LRP8: variants seen among roughly 807,000 people sequenced by gnomAD.
LRP8 encodes the protein low-density lipoprotein receptor-related protein 8.
LRP8 carries 46 observed loss-of-function variants against 111.6 expected under a neutral mutation model. That is an observed-to-expected ratio of 0.41 (90% CI 0.33 to 0.53). The LOEUF (loss-of-function observed/expected upper bound fraction) is 0.53. LRP8 is among the 20% of genes least tolerant of loss of function. The probability of loss-of-function intolerance (pLI) is 0.20; values close to 1 mark genes in which losing one functional copy is unlikely to be tolerated. For missense variants in LRP8, 959 were observed against 1,297.4 expected (o/e 0.74, Z 4.01); for synonymous variants, 464 against 511.2 (o/e 0.91, Z 1.24).
rs1163471194 is a variant in LRP8, at chr1:53,327,966, C to T, written c.-54G>A. The T allele has an allele frequency of 2.5e-5, 26 of 1,032,286 alleles. No individual in the cohort carries two copies. In the East Asian group the frequency reaches 1.7e-3, roughly 68 times the overall value. The allele number at this position is 1,032,286 out of a possible 1,614,324, so 63.9% of individuals were successfully genotyped here. Reference sequence around the variant, plus strand: ...CCCGCGCTCCCCGCGCCGCCGCCGCCGCGTCTCAGCCCTCCGAGTCCTTGC... The same window carrying T: ...CCCGCGCTCCCCGCGCCGCCGCCGCTGCGTCTCAGCCCTCCGAGTCCTTGC... On this transcript the variant is annotated 5_prime_UTR_variant, in exon 1 of 19. Coordinates refer to ENST00000306052, the MANE Select transcript of LRP8 (RefSeq NM_004631.5).
At chr1:53,324,684 A>C (rs1361946772) in intron 2 of LRP8, among the ~76,000 whole-genome samples, 1 of 152,092 alleles carries the variant, frequency 6.6e-6, no homozygotes, top group African/African-American at 2.4e-5. Context: ...TGGCCATTGG[A>C]GCTCTCTTGG....
intron 12 of LRP8, 112 bp downstream of exon 12, chr1:53,261,956 T>C: frequency 7.7e-7 from 1 of 1,302,024 alleles, no homozygotes; most frequent in Non-Finnish European, 1.1e-6. Flanking sequence ...ATCAGTTGGT[T>C]TCCCTGTTCC....
chr1:53,281,069 TCTC>T (rs998156730), intron 3 of LRP8, among the ~76,000 whole-genome samples: 1 of 152,170 alleles, frequency 6.6e-6, no homozygotes, highest in Non-Finnish European at 1.5e-5. Flanking sequence ...CCTGCACTCT[TCTC>T]TGCCATTTCC....
intron 1 of LRP8, 103 bp downstream of exon 1, chr1:53,327,686 C>T: frequency 1.5e-6 from 2 of 1,302,478 alleles, no homozygotes; most frequent in Non-Finnish European, 2.0e-6. Context: ...CGGGAGCCCC[C>T]GATAGCCCCG....
At chr1:53,288,655 C>T (rs1648040560) in intron 3 of LRP8, among the ~76,000 whole-genome samples, 1 of 152,102 alleles carries the variant, frequency 6.6e-6, no homozygotes, top group Non-Finnish European at 1.5e-5. Context: ...CCATTGTCCC[C>T]ACCTCTGCCT....
In LRP8 at chr1:53,327,835, GAGCTGC is replaced by G. The variant is rs1316757218; in HGVS notation, c.72_77del (p.Leu26_Gln27del). On this transcript the variant is annotated inframe_deletion, in exon 1 of 19. Transcript: ENST00000306052. ...CAGCCGCTGCCGCCGCAAGATGCTG[GAGCTGC>G]AGCAGCAGCAGCAGCAGCAGCAGCA... 1.3e-6 allele frequency: 2 copies of G among 1,511,498 alleles called. No individual in the cohort carries two copies. Among genetic ancestry groups the G allele is most frequent in the Non-Finnish European group, 1.8e-6 (2 of 1,136,086 alleles). The allele number at this position is 1,511,498 out of a possible 1,614,324, so 93.6% of individuals were successfully genotyped here.
intron 2 of LRP8, among the ~76,000 whole-genome samples, chr1:53,314,109 A>C (rs1557862818): frequency 6.6e-6 from 1 of 152,188 alleles, no homozygotes; most frequent in Admixed American, 6.5e-5. Flanking sequence ...AGGCCCAGGC[A>C]ATGCCTGCAC....
chr1:53,311,569 A>G (rs1342779822), intron 2 of LRP8, among the ~76,000 whole-genome samples: 6 of 151,826 alleles, frequency 4.0e-5, no homozygotes, highest in African/African-American at 9.7e-5. Flanking sequence ...CAGAGGAAGG[A>G]GCGATACTGC....
At chr1:53,256,291 A>G (rs772565281) in intron 15 of LRP8, among the ~76,000 whole-genome samples, 1 of 152,260 alleles carries the variant, frequency 6.6e-6, no homozygotes, top group African/African-American at 2.4e-5. Context: ...AAAAAGCTGC[A>G]CTGCTTGCTT....
At chr1:53,302,380 G>A (rs572275730) in intron 2 of LRP8, among the ~76,000 whole-genome samples, 24 of 152,166 alleles carry the variant, frequency 1.6e-4, no homozygotes, top group South Asian at 4.2e-4. Context: ...TCCCAGCCTC[G>A]GGCTCACGTT....
At chr1:53,302,856 A>ATTTT (rs769628078) in intron 2 of LRP8, among the ~76,000 whole-genome samples, 46 of 126,590 alleles carry the variant, frequency 3.6e-4, no homozygotes, top group Non-Finnish European at 4.9e-4. Flanking sequence ...CACCCAGCTA[A>ATTTT]TTTTTTTTTT....
In LRP8 at chr1:53,264,441, T is replaced by A. The variant is rs574328027; in HGVS notation, c.1428-45A>T. The stretch of plus-strand genomic sequence containing the variant: ...GACCATGGGGCAGATGTTCCACCCA[T>A]GGGCCCATCTGGAGCTACCTGTGCA... On this transcript the variant is annotated intron_variant, in intron 9 of 18. Coordinates refer to ENST00000306052, the MANE Select transcript of LRP8 (RefSeq NM_004631.5). 4.0e-6 allele frequency: 6 copies of A among 1,493,020 alleles called. No homozygotes were observed. In the African/African-American group the frequency reaches 8.3e-5, roughly 21 times the overall value. The allele number at this position is 1,493,020 out of a possible 1,614,324, so 92.5% of individuals were successfully genotyped here.
Position 53,318,222 on chromosome 1 carries a change from C to T in LRP8, c.244+8651G>A, listed in dbSNP as rs575502060. 2.6e-5 allele frequency among the ~76,000 whole-genome samples: 4 copies of T among 151,824 alleles called. No individual in the cohort carries two copies. In the East Asian group the frequency reaches 5.8e-4, roughly 22 times the overall value. ...CAATATCCTGAGAAGAATGAAGGAA[C>T]AGTTTTGTACTCTTCTGCTTTTTTT... On this transcript the variant is annotated intron_variant, in intron 2 of 18. Coordinates refer to ENST00000306052, the MANE Select transcript of LRP8 (RefSeq NM_004631.5).
Position 53,294,292 on chromosome 1 carries a change from T to G in LRP8, c.245-4603A>C, listed in dbSNP as rs1649294538. ...CAACAGATGGGCTGCCACAAAGGAC[T>G]AGGGGATTCTAGGGGCAGTGAGGAG... On this transcript the variant is annotated intron_variant, in intron 2 of 18. Coordinates refer to ENST00000306052, the MANE Select transcript of LRP8 (RefSeq NM_004631.5). This position sits in a 1 kb window ranked among gnomAD's most constrained non-coding sequence, Gnocchi z 4.1. Among the ~76,000 whole-genome samples the G allele has an allele frequency of 6.6e-6, 1 of 152,114 alleles. No homozygotes were observed. Among genetic ancestry groups the G allele is most frequent in the African/African-American group, 2.4e-5 (1 of 41,420 alleles).
At position 53,246,553 on chromosome 1, in the gene LRP8, T is replaced by C. The variant is rs1285249846; in HGVS notation, c.*465A>G. ...TAAATGGGGGAGGGAGTTGAAGTGT[T>C]TTTTTTTTTTTTTTACTTATGTTGA... is the stretch of plus-strand genomic sequence containing the variant. On this transcript the variant is annotated 3_prime_UTR_variant, in exon 19 of 19. Coordinates refer to ENST00000306052, the MANE Select transcript of LRP8 (RefSeq NM_004631.5). 7.0e-6 allele frequency: 1 copy of C among 142,586 alleles called. No homozygotes were observed. Among genetic ancestry groups the C allele is most frequent in the Non-Finnish European group, 1.5e-5 (1 of 65,966 alleles). 8.8% of individuals were successfully genotyped at this position (142,586 alleles called of 1,614,324 possible).
intron 2 of LRP8, among the ~76,000 whole-genome samples, chr1:53,319,335 C>T (rs79439591): frequency 0.037 from 5,604 of 152,286 alleles, 157 homozygotes; most frequent in Non-Finnish European, 0.056. Context: ...CCGTGGACTC[C>T]TAGACAGACT....
chr1:53,300,270 C>T (rs1285864635), intron 2 of LRP8, among the ~76,000 whole-genome samples: 1 of 152,208 alleles, frequency 6.6e-6, no homozygotes, highest in Non-Finnish European at 1.5e-5. Flanking sequence ...GGCCAGAAGC[C>T]CTTCTTCCAC....
intron 13 of LRP8, 42 bp from the exon 14 acceptor site, chr1:53,258,513 T>C (rs1256888929): frequency 1.3e-6 from 2 of 1,592,218 alleles, no homozygotes; most frequent in African/African-American, 1.3e-5. Context: ...AGACAGGACA[T>C]GCCAGGTCTT....
rs376568437 is a variant in LRP8 at position 53,260,194 on chromosome 1, T to C, written c.2056+270A>G. On this transcript the variant is annotated intron_variant, in intron 13 of 18. Transcript: ENST00000306052. The stretch of plus-strand genomic sequence containing the variant: ...CTCTCTGAGCTTCCGTTTCCTCAAC[T>C]GTTAGAAGAGTAATACCCACACTTT... 1.7e-4 allele frequency among the ~76,000 whole-genome samples: 26 copies of C among 152,342 alleles called. 1 individual carries two copies. The South Asian group carries it at 4.6e-3, about 27-fold the overall frequency.
Sources: gnomAD v4.1 joint callset for allele counts (sites outside exome capture counted in the v4.1 genomes callset) on GRCh38, gnomAD v4.1.1 for gene constraint, Gnocchi (gnomAD v3.1) non-coding constraint, MANE v1.5 for transcripts, NCBI Gene and HGNC (gene_info 2026-07-23, HGNC 2026-07-21) for gene names.